KLC4: variants seen among roughly 807,000 people sequenced by gnomAD.
KLC4 encodes kinesin light chain 4.
Under a neutral mutation model 77.2 loss-of-function variants are expected in KLC4, and 49 were observed. The observed-to-expected ratio is 0.63, with a 90% CI of 0.50 to 0.80. The LOEUF (loss-of-function observed/expected upper bound fraction) is 0.80, where lower values mean the gene tolerates loss of function less well. Ranked by LOEUF, KLC4 falls within the 30% of genes least tolerant of loss-of-function variation. The pLI is 0.00. For synonymous variants in KLC4, 274 were observed against 314.5 expected (o/e 0.87, Z 1.36); for missense variants, 669 against 793.5 (o/e 0.84, Z 1.89).
chr6:43,066,411 G>A lies in KLC4; in HGVS notation c.677G>A (p.Arg226His), dbSNP rs368222422. The stretch of plus-strand genomic sequence containing the variant: ...GTGATCCAGTACGCAGCCCAAGGTC[G>A]CTATGAGGTGGCCGTGCCACTCTGT... ...NLVIQYAAQG[R>H]YEVAVPLCKQ... The change falls in exon 5 of 16, where the codon CGC becomes CAC. Residue 226 changes from arginine to histidine, a missense_variant. By Grantham distance (29) the Arg-to-His change is conservative. Coordinates refer to ENST00000347162, the MANE Select transcript of KLC4 (RefSeq NM_201521.3). 27 of 1,614,088 alleles carry A rather than the reference G, an allele frequency of 1.7e-5. No homozygotes were observed. The highest frequency in any genetic ancestry group is 1.6e-4 in the South Asian group (15 of 91,092).
In KLC4 at chr6:43,063,061, C is replaced by T. The variant is rs750038367; in HGVS notation, c.403C>T (p.Gln135Ter). The change falls in exon 3 of 16, where the codon CAG (glutamine) becomes TAG (stop). Residue 135 changes from glutamine to a stop codon, truncating the protein, a stop_gained. Transcript: ENST00000347162. LOFTEE classifies it high-confidence loss of function. ...GTQQRLQRSE[Q>*]AVAQLEEEKK... ...CCAGCAGCGGCTACAGCGCAGTGAA[C>T]AGGCTGTGGCTCAGCTGGAGGAGGA... 8 of 1,614,242 alleles carry T rather than the reference C, an allele frequency of 5.0e-6. No individual in the cohort carries two copies. Among genetic ancestry groups the T allele is most frequent in the Non-Finnish European group, 6.8e-6 (8 of 1,180,042 alleles).
In KLC4 at chr6:43,067,027, C is replaced by G; in HGVS notation, c.823C>G (p.Leu275Val). ...DQNKYKEAAH[L>V]LNDALSIRES... ...GAATAAGTATAAGGAAGCTGCCCAC[C>G]TGCTGAATGATGCCCTTAGCATCCG... Residue 275 changes from leucine (L) to valine (V), a missense_variant, in exon 6 of 16, where the codon CTG (leucine) becomes GTG (valine). Leu to Val is a conservative substitution (Grantham distance 32). Coordinates refer to ENST00000347162, the MANE Select transcript of KLC4 (RefSeq NM_201521.3). 6.2e-7 allele frequency: 1 copy of G among 1,614,022 alleles called. No homozygotes were observed.
At chr6:43,073,625 C>A (rs1487776515) in intron 14 of KLC4, 4 of 517,004 alleles carry the variant, frequency 7.7e-6, no homozygotes, top group East Asian at 3.4e-5. Flanking sequence ...CCAGCCCAGG[C>A]GACAACAGCG....
At chr6:43,060,741 G>A (rs927378053) in intron 1 of KLC4, 14 of 512,614 alleles carry the variant, frequency 2.7e-5, no homozygotes, top group Non-Finnish European at 7.8e-6. Context: ...GAGATGCTGG[G>A]CTTAGTTCTG....
At chr6:43,073,515 C>T in intron 14 of KLC4, 177 bp downstream of exon 14, 1 of 545,112 alleles carries the variant, frequency 1.8e-6, no homozygotes, top group East Asian at 3.2e-5. Flanking sequence ...GGTGTGGTGG[C>T]AGGTGCCTGT....
chr6:43,060,613 G>T, intron 1 of KLC4: 1 of 1,140,582 alleles, frequency 8.8e-7, no homozygotes, highest in Non-Finnish European at 1.1e-6. Flanking sequence ...CAGGTAAGAA[G>T]GCTTCAAAGA....
At chr6:43,064,386 T>C (rs1765313138) in intron 3 of KLC4, among the ~76,000 whole-genome samples, 1 of 152,192 alleles carries the variant, frequency 6.6e-6, no homozygotes. Context: ...TAGCCTGATG[T>C]GGTCGTGTGC....
intron 3 of KLC4, among the ~76,000 whole-genome samples, chr6:43,064,863 G>A (rs879642571): frequency 1.6e-4 from 25 of 152,142 alleles, no homozygotes; most frequent in South Asian, 4.1e-4. Flanking sequence ...GGAGGGTTAC[G>A]TAGTAAGTCC....
chr6:43,065,735 G>C (rs762270111), intron 4 of KLC4, 34 bp downstream of exon 4: 1 of 1,510,042 alleles, frequency 6.6e-7, no homozygotes, highest in East Asian at 2.3e-5. Flanking sequence ...GGGTGAAAAG[G>C]GGCAGCAGGA....
Position 43,063,140 on chromosome 6 carries a change from A to C in KLC4, c.482A>C (p.His161Pro), listed in dbSNP as rs1321197252. Residue 161 changes from histidine to proline, a missense_variant, in exon 3 of 16, where the codon CAT becomes CCT. Physicochemically the swap from His to Pro is moderately conservative, Grantham distance 77. Transcript: ENST00000347162. The part of the protein sequence containing the change: ...GQLRQYDEDG[H>P]TSEEKEGDAT... ...CTGCGGCAGTATGATGAGGATGGAC[A>C]TACCTCGGTGAGTGTGCACAGGCGA... The C allele has an allele frequency of 6.2e-7, 1 of 1,612,198 alleles. No homozygotes were observed. Among genetic ancestry groups the C allele is most frequent in the South Asian group, 1.1e-5 (1 of 90,994 alleles).
Position 43,072,860 on chromosome 6 carries a change from C to T in KLC4, c.1525C>T (p.Leu509=), listed in dbSNP as rs769500623. ...DPISQTKVAE[L]LGESDGRRTS... ...TATCAGCCAGACGAAGGTGGCAGAGCTGCTTGGGGAGAGTGATGGTAGAAG... is the reference window on the plus strand; with the variant it reads ...TATCAGCCAGACGAAGGTGGCAGAGTTGCTTGGGGAGAGTGATGGTAGAAG... Residue 509 remains leucine, a synonymous_variant, in exon 13 of 16, where the codon CTG becomes TTG. Transcript: ENST00000347162. The T allele has an allele frequency of 1.9e-6, 3 of 1,613,622 alleles. No individual in the cohort carries two copies. The highest frequency in any genetic ancestry group is 2.5e-6 in the Non-Finnish European group (3 of 1,179,846).
intron 6 of KLC4, among the ~76,000 whole-genome samples, chr6:43,068,687 C>G (rs1056012079): frequency 6.6e-5 from 10 of 151,554 alleles, no homozygotes; most frequent in Admixed American, 6.6e-4. Context: ...TGGCATATGC[C>G]TGTAATCCCA....
chr6:43,062,901 G>A lies in KLC4; in HGVS notation c.259-16G>A, dbSNP rs1306641880. On this transcript the variant is annotated splice_polypyrimidine_tract_variant and intron_variant, in intron 2 of 15. Transcript: ENST00000347162. ...TCCCACCCAGAATCTGGAGCTCAGG[G>A]GATGTGCCCACCTAGGTGATGCTGG... The A allele has an allele frequency of 1.9e-6, 3 of 1,609,024 alleles. No homozygotes were observed. In the Admixed American group the frequency reaches 5.0e-5, roughly 27 times the overall value.
Sources: allele counts gnomAD v4.1 joint callset (sites outside exome capture counted in the v4.1 genomes callset), GRCh38; gene constraint gnomAD v4.1.1; transcripts MANE v1.5; gene names NCBI Gene and HGNC (gene_info 2026-07-23, HGNC 2026-07-21).